BMP2K: variants seen among roughly 807,000 people sequenced by gnomAD.
BMP2K encodes BMP2 inducible kinase, also known as BMP-2-inducible protein kinase.
Under a neutral mutation model 116.0 loss-of-function variants are expected in BMP2K, and 74 were observed. That is an observed-to-expected ratio of 0.64 (90% CI 0.53 to 0.77). The LOEUF is 0.77. Ranked by LOEUF, BMP2K falls within the 30% of genes least tolerant of loss-of-function variation. The pLI is 0.00. For missense variants in BMP2K, 1,365 were observed against 1,403.6 expected (o/e 0.97, Z 0.44); for synonymous variants, 486 against 502.5 (o/e 0.97, Z 0.44).
intron 1 of BMP2K, among the ~76,000 whole-genome samples, chr4:78,781,280 A>G (rs966527392): frequency 1.3e-5 from 2 of 152,218 alleles, no homozygotes; most frequent in African/African-American, 4.8e-5. Flanking sequence ...TATACAAATT[A>G]TAAGGTTAAA....
Position 78,865,551 on chromosome 4 carries a change from T to C in BMP2K, c.1068-6T>C, listed in dbSNP as rs1049601950. Reference sequence around the variant, plus strand: ...ATTTAGAATGAAATATATTCTTCTGTTGTAGAATAACAGATACCATTGGAC... The same window carrying C: ...ATTTAGAATGAAATATATTCTTCTGCTGTAGAATAACAGATACCATTGGAC... On this transcript the variant is annotated splice_polypyrimidine_tract_variant and splice_region_variant and intron_variant, in intron 9 of 15. Transcript: ENST00000502613. The C allele has an allele frequency of 8.1e-6, 13 of 1,612,636 alleles. No homozygotes were observed. Among genetic ancestry groups the C allele is most frequent in the Non-Finnish European group, 1.1e-5 (13 of 1,178,834 alleles).
intron 1 of BMP2K, among the ~76,000 whole-genome samples, chr4:78,802,267 T>C (rs1345537520): frequency 2.0e-5 from 3 of 152,226 alleles, no homozygotes. Flanking sequence ...TACTCTTATG[T>C]TGGCCTTTGG....
At chr4:78,909,149 TC>T (rs906298127) in intron 15 of BMP2K, among the ~76,000 whole-genome samples, 5 of 150,054 alleles carry the variant, frequency 3.3e-5, no homozygotes, top group African/African-American at 7.4e-5. Context: ...ACCTCTGTCT[TC>T]CAGTTTCAAG....
At chr4:78,910,293 G>A (rs889539835) in intron 15 of BMP2K, among the ~76,000 whole-genome samples, 3 of 152,184 alleles carry the variant, frequency 2.0e-5, no homozygotes, top group Non-Finnish European at 2.9e-5. Flanking sequence ...TGTTATTTTG[G>A]TGGTGGGGTG....
At chr4:78,786,404 AATGTGT>A (rs1215756243) in intron 1 of BMP2K, among the ~76,000 whole-genome samples, 3 of 98,586 alleles carry the variant, frequency 3.0e-5, no homozygotes, top group Admixed American at 9.6e-5. Context: ...TAAGCCACCC[AATGTGT>A]GTGTGTGTGT....
At chr4:78,809,952 G>A (rs747787793) in intron 1 of BMP2K, among the ~76,000 whole-genome samples, 6 of 152,186 alleles carry the variant, frequency 3.9e-5, no homozygotes, top group African/African-American at 9.6e-5. Context: ...AAAATTGTAC[G>A]TTTGAAATAA....
intron 15 of BMP2K, among the ~76,000 whole-genome samples, chr4:78,906,797 TAG>T (rs1418031699): frequency 6.6e-6 from 1 of 152,178 alleles, no homozygotes; most frequent in Non-Finnish European, 1.5e-5. Flanking sequence ...ATGATGATGG[TAG>T]AGTGCTTATT....
chr4:78,834,136 GT>G (rs1170552500), intron 3 of BMP2K, among the ~76,000 whole-genome samples: 1 of 151,860 alleles, frequency 6.6e-6, no homozygotes, highest in African/African-American at 2.4e-5. Flanking sequence ...TCTTGGTGGT[GT>G]TTGTAAACAT....
At chr4:78,907,572 G>A (rs1355002132) in intron 15 of BMP2K, among the ~76,000 whole-genome samples, 1 of 152,138 alleles carries the variant, frequency 6.6e-6, no homozygotes, top group Non-Finnish European at 1.5e-5. Flanking sequence ...TGGTTTTAAA[G>A]GTTAACAGGC....
intron 3 of BMP2K, among the ~76,000 whole-genome samples, chr4:78,836,839 A>C (rs868539455): frequency 1.5e-4 from 23 of 152,196 alleles, no homozygotes; most frequent in African/African-American, 5.3e-4. Context: ...TTGTTGACAA[A>C]TTGATGTTAT....
intron 1 of BMP2K, among the ~76,000 whole-genome samples, chr4:78,808,945 T>C (rs961003371): frequency 6.6e-6 from 1 of 152,236 alleles, no homozygotes; most frequent in Non-Finnish European, 1.5e-5. Context: ...AGGGGAATGT[T>C]CTATAAATGT....
In BMP2K at chr4:78,851,041, A is replaced by G; in HGVS notation, c.868A>G (p.Ile290Val). Residue 290 changes from isoleucine to valine, a missense_variant, in exon 7 of 16, where the codon ATA becomes GTA. By Grantham distance (29) the Ile-to-Val change is conservative. Transcript: ENST00000502613. The part of the protein sequence containing the change: ...IPDNSRYSRN[I>V]HCLIRFMLEP... Reference sequence around the variant, plus strand: ...AGACAATTCTCGTTACTCCCGTAACATACATTGCTTAATAAGTAAGTATTT... The same window carrying G: ...AGACAATTCTCGTTACTCCCGTAACGTACATTGCTTAATAAGTAAGTATTT... 6.2e-7 allele frequency: 1 copy of G among 1,610,238 alleles called. No individual in the cohort carries two copies. Among genetic ancestry groups the G allele is most frequent in the Non-Finnish European group, 8.5e-7 (1 of 1,177,890 alleles).
rs1490880666 is a variant in BMP2K at position 78,776,364 on chromosome 4, C to G, written c.-180C>G. 9.7e-6 allele frequency: 5 copies of G among 515,262 alleles called. No individual in the cohort carries two copies. The highest frequency in any genetic ancestry group is 9.5e-5 in the East Asian group (1 of 10,480). 31.9% of individuals were successfully genotyped at this position (515,262 alleles called of 1,614,324 possible). A position where few individuals can be genotyped will look rare whatever the true frequency, so the allele number is the denominator to read the frequency against. ...GGGAGCCGGGCAGCTGCAGCGGAGCCGCGGAGCGGGCGGCGGGGCCCAGGC... is the reference window on the plus strand; with the variant it reads ...GGGAGCCGGGCAGCTGCAGCGGAGCGGCGGAGCGGGCGGCGGGGCCCAGGC... On this transcript the variant is annotated 5_prime_UTR_variant, in exon 1 of 16. Coordinates refer to ENST00000502613, the MANE Select transcript of BMP2K (RefSeq NM_198892.2).
At chr4:78,864,557 C>T (rs1484652824) in intron 9 of BMP2K, among the ~76,000 whole-genome samples, 1 of 140,476 alleles carries the variant, frequency 7.1e-6, no homozygotes, top group Non-Finnish European at 1.5e-5. Context: ...TTCAGTGTCA[C>T]GTTTTTTTTT....
intron 6 of BMP2K, among the ~76,000 whole-genome samples, chr4:78,850,002 G>A (rs926531054): frequency 2.6e-5 from 4 of 151,584 alleles, no homozygotes; most frequent in African/African-American, 9.7e-5. Context: ...TAGATAATAA[G>A]GCCAAGTTTC....
chr4:78,851,282 T>C (rs1731238344), intron 7 of BMP2K, among the ~76,000 whole-genome samples: 1 of 152,056 alleles, frequency 6.6e-6, no homozygotes, highest in Non-Finnish European at 1.5e-5. Flanking sequence ...TAAGATTTAG[T>C]AGCACACACC....
intron 13 of BMP2K, among the ~76,000 whole-genome samples, chr4:78,875,278 A>C (rs865965996): frequency 1.4e-4 from 22 of 152,224 alleles, no homozygotes; most frequent in African/African-American, 5.1e-4. Context: ...TTTGTCTCTC[A>C]GTGGATAAGG....
intron 10 of BMP2K, among the ~76,000 whole-genome samples, chr4:78,866,971 G>A (rs1035941940): frequency 6.6e-6 from 1 of 152,050 alleles, no homozygotes; most frequent in Non-Finnish European, 1.5e-5. Context: ...CAGCACTTTG[G>A]GGGGCCAAGG....
Position 78,826,050 on chromosome 4 carries a change from A to C in BMP2K, c.192A>C (p.Thr64=), listed in dbSNP as rs760526198. 6.2e-7 allele frequency: 1 copy of C among 1,612,662 alleles called. No homozygotes were observed. The highest frequency in any genetic ancestry group is 8.5e-7 in the Non-Finnish European group (1 of 1,179,434). ...TTGTTTTTCTAGGTGGATTCTCCAC[A>C]GTTTTCCTCGTGCGTACTCACGGTG... ...EESLAEGGFS[T]VFLVRTHGGI... is the part of the protein sequence containing the mutation. The change falls in exon 2 of 16, where the codon ACA becomes ACC. Residue 64 remains threonine, a synonymous_variant. Coordinates refer to ENST00000502613, the MANE Select transcript of BMP2K (RefSeq NM_198892.2).
Sources: gnomAD v4.1 joint callset for allele counts (sites outside exome capture counted in the v4.1 genomes callset) on GRCh38, gnomAD v4.1.1 for gene constraint, MANE v1.5 for transcripts, NCBI Gene and HGNC (gene_info 2026-07-23, HGNC 2026-07-21) for gene names.